GNE: variants seen among roughly 807,000 people sequenced by gnomAD.
The protein encoded by GNE is glucosamine (UDP-N-acetyl)-2-epimerase/N-acetylmannosamine kinase.
Under a neutral mutation model 61.8 loss-of-function variants are expected in GNE, and 41 were observed. The ratio of observed to expected loss-of-function variants is 0.66; its 90% CI spans 0.52 to 0.86. The LOEUF is 0.86. GNE is among the 40% of genes least tolerant of loss of function. GNE has a pLI of 0.00. For missense variants in GNE, 608 were observed against 909.1 expected, an observed-to-expected ratio of 0.67 and a Z score of 4.26; for synonymous variants, 264 against 326.4, an observed-to-expected ratio of 0.81 and a Z score of 2.06.
chr9:36,236,831 C>A lies in GNE; in HGVS notation c.769+1G>T. 1.2e-6 allele frequency: 2 copies of A among 1,613,488 alleles called. No individual in the cohort carries two copies. The highest frequency in any genetic ancestry group is 1.7e-6 in the Non-Finnish European group (2 of 1,179,536). On this transcript the variant is annotated splice_donor_variant, in intron 4 of 11. Coordinates refer to ENST00000642385, the MANE Select transcript of GNE (RefSeq NM_005476.7). LOFTEE classifies it high-confidence loss of function. The stretch of plus-strand genomic sequence containing the variant: ...ATAATTTCATTTTCAAGTTCAATTA[C>A]CTGCGTCAATATTTGGAAACAGGAC...
At position 36,236,822 on chromosome 9, in the gene GNE, G is replaced by A. The variant is rs1829413812; in HGVS notation, c.769+10C>T. On this transcript the variant is annotated intron_variant, in intron 4 of 11. Coordinates refer to ENST00000642385, the MANE Select transcript of GNE (RefSeq NM_005476.7). ...GTAGGTGGCATAATTTCATTTTCAA[G>A]TTCAATTACCTGCGTCAATATTTGG... 6.2e-7 allele frequency: 1 copy of A among 1,612,712 alleles called. No individual in the cohort carries two copies.
chr9:36,246,681 T>TG (rs372495704), intron 2 of GNE, among the ~76,000 whole-genome samples, 199 bp from the exon 3 acceptor site: 2,467 of 126,680 alleles, frequency 0.019, 12 homozygotes, highest in Non-Finnish European at 0.026. Flanking sequence ...TTTTTTTTTT[T>TG]TTTTTGAGAT....
chr9:36,219,823 G>A lies in GNE; in HGVS notation c.1816+15C>T, dbSNP rs2133005772. 6.2e-7 allele frequency: 1 copy of A among 1,611,688 alleles called. No individual in the cohort carries two copies. The highest frequency in any genetic ancestry group is 8.5e-7 in the Non-Finnish European group (1 of 1,177,760). On this transcript the variant is annotated intron_variant, in intron 10 of 11. Transcript: ENST00000642385. ...ACTATTTGGTTACTTAATTCCTCGA[G>A]AGAGGGACACCAACCATCATGGAGC...
chr9:36,251,751 G>A (rs1255730515), intron 1 of GNE, among the ~76,000 whole-genome samples: 1 of 152,078 alleles, frequency 6.6e-6, no homozygotes, highest in Admixed American at 6.6e-5. Flanking sequence ...TCCTTTAGAT[G>A]AGGGTAAACT....
chr9:36,265,102 C>G (rs184302278), intron 1 of GNE: 88 of 300,468 alleles, frequency 2.9e-4, no homozygotes, highest in African/African-American at 1.9e-3. Flanking sequence ...CCTGATCCAG[C>G]GAGGCGCCCA....
chr9:36,256,320 C>T (rs1830342615), intron 1 of GNE, among the ~76,000 whole-genome samples: 2 of 144,848 alleles, frequency 1.4e-5, no homozygotes, highest in Non-Finnish European at 1.5e-5. Flanking sequence ...TCTCGGCTCA[C>T]TGCAACCTCC....
intron 5 of GNE, among the ~76,000 whole-genome samples, chr9:36,232,765 G>A (rs907399700): frequency 2.0e-5 from 3 of 152,174 alleles, no homozygotes; most frequent in African/African-American, 7.2e-5. Context: ...TTTCTTTTGT[G>A]TATGTCTATC....
intron 1 of GNE, among the ~76,000 whole-genome samples, chr9:36,271,267 T>C (rs1831018943): frequency 6.6e-6 from 1 of 152,154 alleles, no homozygotes; most frequent in Non-Finnish European, 1.5e-5. Context: ...CCCAATCAGG[T>C]TTCAAACGCC....
At chr9:36,240,658 G>A (rs1167028625) in intron 3 of GNE, among the ~76,000 whole-genome samples, 1 of 151,980 alleles carries the variant, frequency 6.6e-6, no homozygotes, top group African/African-American at 2.4e-5. Flanking sequence ...GGGTCATGGG[G>A]GCTTCACAGA....
chr9:36,220,169 A>T, intron 9 of GNE, 149 bp from the exon 10 acceptor site: 1 of 723,036 alleles, frequency 1.4e-6, no homozygotes, highest in Non-Finnish European at 2.5e-6. Flanking sequence ...GCATCAAAGC[A>T]TTCTCTGGCA....
At chr9:36,235,321 C>G (rs1055521440) in intron 4 of GNE, among the ~76,000 whole-genome samples, 1 of 152,142 alleles carries the variant, frequency 6.6e-6, no homozygotes, top group African/African-American at 2.4e-5. Context: ...AATCCATTTT[C>G]CGGAGGGAGT....
rs1829857314 is a variant in GNE at position 36,246,045 on chromosome 9, A to T, written c.602T>A (p.Ile201Asn). 1.2e-6 allele frequency: 2 copies of T among 1,614,016 alleles called. No individual in the cohort carries two copies. Among genetic ancestry groups the T allele is most frequent in the Middle Eastern group, 1.6e-4 (1 of 6,062 alleles). The stretch of plus-strand genomic sequence containing the variant: ...GAGATACGTACCTAGCCACATGCGA[A>T]TGATGCTCATGTAGTCTTTGTTCTT... ...SAKNKDYMSI[I>N]RMWLGDDVKS... Residue 201 changes from isoleucine to asparagine, a missense_variant, in exon 3 of 12, where the codon ATT becomes AAT. Transcript: ENST00000642385.
Position 36,249,279 on chromosome 9 carries a change from G to C in GNE, c.77C>G (p.Ala26Gly), listed in dbSNP as rs1266233810. 6.2e-7 allele frequency: 1 copy of C among 1,613,898 alleles called. No homozygotes were observed. Among genetic ancestry groups the C allele is most frequent in the Non-Finnish European group, 8.5e-7 (1 of 1,179,886 alleles). ...TCNRADYSKL[A>G]PIMFGIKTEP... ...GGTTTTAATGCCAAACATGATCGGG[G>C]CAAGTTTAGAATAATCTGCACGGTT... The change falls in exon 2 of 12, where the codon GCC becomes GGC. Residue 26 changes from alanine (A) to glycine (G), a missense_variant. Transcript: ENST00000642385.
chr9:36,223,224 G>C (rs1024212141), intron 8 of GNE, 149 bp downstream of exon 8: 1 of 832,426 alleles, frequency 1.2e-6, no homozygotes, highest in African/African-American at 1.7e-5. Context: ...GGTGTCCCAG[G>C]AAGTCCCCAT....
At position 36,218,898 on chromosome 9, in the gene GNE, C is replaced by T. The variant is rs1041717879; in HGVS notation, c.1817-599G>A. Among the ~76,000 whole-genome samples the T allele has an allele frequency of 2.0e-5, 3 of 152,236 alleles. No individual in the cohort carries two copies. The highest frequency in any genetic ancestry group is 7.2e-5 in the African/African-American group (3 of 41,458). On this transcript the variant is annotated intron_variant, in intron 10 of 11. Transcript: ENST00000642385. The surrounding 1 kb of genome is among the most constrained non-coding windows in gnomAD (Gnocchi z 4.1). Reference sequence around the variant, plus strand: ...TGGACATAAAGTATTTAGTTAAGTGCTGGCCACAGTAAATGCTCAGTAAGC... The same window carrying T: ...TGGACATAAAGTATTTAGTTAAGTGTTGGCCACAGTAAATGCTCAGTAAGC...
chr9:36,225,264 C>A (rs980810892), intron 7 of GNE, among the ~76,000 whole-genome samples: 1 of 152,088 alleles, frequency 6.6e-6, no homozygotes, highest in African/African-American at 2.4e-5. Flanking sequence ...ATCTCTCTTT[C>A]CATTTATATT....
intron 7 of GNE, among the ~76,000 whole-genome samples, chr9:36,224,756 G>C (rs1245447388): frequency 1.3e-5 from 2 of 152,128 alleles, no homozygotes; most frequent in African/African-American, 4.8e-5. Context: ...TGTAGTCTCA[G>C]CTACTTGAGA....
intron 9 of GNE, among the ~76,000 whole-genome samples, chr9:36,220,333 T>C (rs772893459): frequency 6.6e-6 from 1 of 152,166 alleles, no homozygotes; most frequent in Non-Finnish European, 1.5e-5. Context: ...GCACACACTG[T>C]CCATCTTTCT....
chr9:36,249,420 TTTA>T (rs1334903809), intron 1 of GNE, 23 bp from the exon 2 acceptor site: 2 of 1,506,832 alleles, frequency 1.3e-6, no homozygotes, highest in African/African-American at 2.8e-5. Context: ...AAATAAAAAC[TTTA>T]TAATCAGAAT....
Sources: allele counts gnomAD v4.1 joint callset (sites outside exome capture counted in the v4.1 genomes callset), GRCh38; gene constraint gnomAD v4.1.1; non-coding constraint Gnocchi (gnomAD v3.1); transcripts MANE v1.5; gene names NCBI Gene and HGNC (gene_info 2026-07-23, HGNC 2026-07-21).